The following RHOQ variants were observed in gnomAD, a reference collection of about 807,000 sequenced individuals.
RHOQ encodes the protein rho-related GTP-binding protein RhoQ.
In RHOQ, 7 loss-of-function variants were observed where a neutral mutation model predicts 25.8. The observed-to-expected ratio is 0.27, with a 90% confidence interval of 0.15 to 0.51. RHOQ has a LOEUF of 0.51. Ranked by LOEUF, RHOQ falls within the 20% of genes least tolerant of loss-of-function variation. RHOQ has a pLI of 0.97. For missense variants in RHOQ, 165 were observed against 260.6 expected (o/e 0.63, Z 2.53); for synonymous variants, 97 against 98.6 (o/e 0.98, Z 0.10).
chr2:46,547,601 T>A (rs754487978), intron 2 of RHOQ, among the ~76,000 whole-genome samples: 2 of 152,238 alleles, frequency 1.3e-5, no homozygotes, highest in Admixed American at 1.3e-4. Context: ...ACATTTTGAC[T>A]GCCAAGCATT....
chr2:46,560,857 TG>T lies in RHOQ; in HGVS notation c.202-15227del, dbSNP rs146284478. On this transcript the variant is annotated intron_variant, in intron 2 of 4. Coordinates refer to ENST00000238738, the MANE Select transcript of RHOQ (RefSeq NM_012249.4). ...ACATTGCAGTCACCTTGATTAGATT[TG>T]GGTGTTTTGAAGTGTCTCAGTCATC... Among the ~76,000 whole-genome samples the T allele has an allele frequency of 2.4e-3, 363 of 152,328 alleles. 8 individuals are homozygous for T. The South Asian group carries it at 0.041, about 17-fold the overall frequency.
chr2:46,543,659 G>T, intron 1 of RHOQ, 95 bp from the exon 2 acceptor site: 2 of 1,087,928 alleles, frequency 1.8e-6, no homozygotes, highest in Non-Finnish European at 2.8e-6. Context: ...GCCTCTAGCT[G>T]GGTTGGGAGA....
intron 2 of RHOQ, among the ~76,000 whole-genome samples, chr2:46,570,659 A>G (rs190012767): frequency 4.9e-3 from 754 of 152,330 alleles, no homozygotes; most frequent in African/African-American, 0.017. Context: ...CGCTAGAAAC[A>G]GATGTTGTAG....
At chr2:46,564,738 G>A (rs901888899) in intron 2 of RHOQ, among the ~76,000 whole-genome samples, 7 of 152,214 alleles carry the variant, frequency 4.6e-5, no homozygotes, top group African/African-American at 1.7e-4. Flanking sequence ...AAAAGGATGT[G>A]TGTAAGTATG....
intron 2 of RHOQ, chr2:46,560,500 A>G (rs923931983): frequency 4.5e-6 from 2 of 448,984 alleles, no homozygotes; most frequent in African/African-American, 4.0e-5. Flanking sequence ...TGATGAATTA[A>G]TAAAGAAGTT....
At chr2:46,564,386 C>T (rs537035836) in intron 2 of RHOQ, among the ~76,000 whole-genome samples, 1 of 152,338 alleles carries the variant, frequency 6.6e-6, no homozygotes, top group African/African-American at 2.4e-5. Context: ...CAACCACCAG[C>T]TCTGCCAGTT....
Position 46,576,661 on chromosome 2 carries a change from T to C in RHOQ, c.462+5T>C. 2.0e-6 allele frequency: 3 copies of C among 1,531,096 alleles called. No individual in the cohort carries two copies. Among genetic ancestry groups the C allele is most frequent in the Non-Finnish European group, 2.7e-6 (3 of 1,117,040 alleles). 94.8% of individuals were successfully genotyped at this position (1,531,096 alleles called of 1,614,324 possible). A position where few individuals can be genotyped will look rare whatever the true frequency, so the allele number is the denominator to read the frequency against. On this transcript the variant is annotated splice_donor_5th_base_variant and intron_variant, in intron 4 of 4. Coordinates refer to ENST00000238738, the MANE Select transcript of RHOQ (RefSeq NM_012249.4). The surrounding 1 kb of genome is among the most constrained non-coding windows in gnomAD (Gnocchi z 5.1). ...GGACAGAAACTAGCAAAAGAGGTAA[T>C]GGAACACTCACAGAATTTAAGCATG...
chr2:46,575,206 G>T (rs901239123), intron 2 of RHOQ, among the ~76,000 whole-genome samples: 4 of 152,148 alleles, frequency 2.6e-5, no homozygotes, highest in African/African-American at 9.7e-5. Context: ...CCAAGACAAA[G>T]AAAGTGCAGA....
At position 46,569,191 on chromosome 2, in the gene RHOQ, T is replaced by C. The variant is rs1226822811; in HGVS notation, c.202-6896T>C. 1 of 152,242 alleles carries C rather than the reference T, an allele frequency of 6.6e-6. No individual in the cohort carries two copies. The highest frequency in any genetic ancestry group is 6.5e-5 in the Admixed American group (1 of 15,278). The allele number at this position is 152,242 out of a possible 1,614,324, so 9.4% of individuals were successfully genotyped here. ...AACACTTGACCAGCTCTCTCATTTA[T>C]CTTAACATGTGTATTTATTCTCCCT... is the stretch of plus-strand genomic sequence containing the variant. On this transcript the variant is annotated intron_variant, in intron 2 of 4. Coordinates refer to ENST00000238738, the MANE Select transcript of RHOQ (RefSeq NM_012249.4). The surrounding 1 kb of genome is among the most constrained non-coding windows in gnomAD (Gnocchi z 4.1).
At position 46,581,552 on chromosome 2, in the gene RHOQ, A is replaced by G. The variant is rs1275493421; in HGVS notation, c.*469A>G. 2 of 1,611,680 alleles carry G rather than the reference A, an allele frequency of 1.2e-6. No individual in the cohort carries two copies. Among genetic ancestry groups the G allele is most frequent in the South Asian group, 1.1e-5 (1 of 90,982 alleles). ...GGTGAAATAACAAGGCCAGCCACGT[A>G]GCCAAAGGTCGCTCCAAGCGTACAG... On this transcript the variant is annotated 3_prime_UTR_variant, in exon 5 of 5. Coordinates refer to ENST00000238738, the MANE Select transcript of RHOQ (RefSeq NM_012249.4).
intron 2 of RHOQ, among the ~76,000 whole-genome samples, chr2:46,551,349 T>A (rs1444570891): frequency 6.6e-6 from 1 of 152,132 alleles, no homozygotes; most frequent in Non-Finnish European, 1.5e-5. Flanking sequence ...ACACATCATC[T>A]CATTTTCTCT....
intron 2 of RHOQ, chr2:46,572,678 A>T (rs1369233563): frequency 2.3e-6 from 1 of 431,030 alleles, no homozygotes; most frequent in South Asian, 1.6e-5. Flanking sequence ...AAATGTTTAA[A>T]TACCTACATT....
Position 46,544,627 on chromosome 2 carries a change from G to A in RHOQ, c.201+815G>A, listed in dbSNP as rs535879246. Among the ~76,000 whole-genome samples, 4 of 152,204 alleles carry A rather than the reference G, an allele frequency of 2.6e-5. No individual in the cohort carries two copies. In the East Asian group the frequency reaches 7.7e-4, roughly 29 times the overall value. On this transcript the variant is annotated intron_variant, in intron 2 of 4. Coordinates refer to ENST00000238738, the MANE Select transcript of RHOQ (RefSeq NM_012249.4). The stretch of plus-strand genomic sequence containing the variant: ...TCTCTGTCTCCCTGTCCCAGCTTCA[G>A]CCTCTTCCCAAACCCACTTTTGCTC...
Position 46,543,199 on chromosome 2 carries a change from G to C in RHOQ, c.142+11G>C, listed in dbSNP as rs758682278. On this transcript the variant is annotated intron_variant, in intron 1 of 4. Coordinates refer to ENST00000238738, the MANE Select transcript of RHOQ (RefSeq NM_012249.4). Reference sequence around the variant, plus strand: ...TCGACCACTACGCAGGTAAGCCTCGGAACTGCTGACTAAGGGGCCGCTCCC... The same window carrying C: ...TCGACCACTACGCAGGTAAGCCTCGCAACTGCTGACTAAGGGGCCGCTCCC... 6.2e-7 allele frequency: 1 copy of C among 1,611,456 alleles called. No individual in the cohort carries two copies. Among genetic ancestry groups the C allele is most frequent in the East Asian group, 2.2e-5 (1 of 44,624 alleles).
intron 2 of RHOQ, among the ~76,000 whole-genome samples, chr2:46,546,451 C>T (rs868440025): frequency 1.9e-4 from 9 of 47,156 alleles, no homozygotes; most frequent in African/African-American, 4.3e-4. Flanking sequence ...TACACATATA[C>T]ATATATATAT....
intron 2 of RHOQ, among the ~76,000 whole-genome samples, chr2:46,574,060 C>T (rs1040195297): frequency 1.1e-4 from 17 of 152,204 alleles, no homozygotes; most frequent in Non-Finnish European, 2.1e-4. Context: ...GAATAAGAGA[C>T]TTGGTTTCCC....
At chr2:46,560,380 A>C (rs1668536633) in intron 2 of RHOQ, 2 of 310,760 alleles carry the variant, frequency 6.4e-6, no homozygotes, top group African/African-American at 4.3e-5. Context: ...ATAAATGCAT[A>C]CGTTCAGTTG....
chr2:46,560,104 C>G (rs1406349460), intron 2 of RHOQ, among the ~76,000 whole-genome samples: 1 of 152,192 alleles, frequency 6.6e-6, no homozygotes, highest in African/African-American at 2.4e-5. Context: ...CGCGTTCAGT[C>G]CAGCTGCAGA....
Position 46,581,916 on chromosome 2 carries a change from A to G in RHOQ, c.*833A>G, listed in dbSNP as rs1669396245. The G allele has an allele frequency of 4.8e-6, 1 of 210,234 alleles. No homozygotes were observed. Among genetic ancestry groups the G allele is most frequent in the East Asian group, 1.3e-4 (1 of 7,672 alleles). 13.0% of individuals were successfully genotyped at this position (210,234 alleles called of 1,614,324 possible). Reference sequence around the variant, plus strand: ...TAGACTCAATTTAGCTCTCTGAACTAGTTGGTAATTTTTTTTTTTTAATTC... The same window carrying G: ...TAGACTCAATTTAGCTCTCTGAACTGGTTGGTAATTTTTTTTTTTTAATTC... On this transcript the variant is annotated 3_prime_UTR_variant, in exon 5 of 5. Transcript: ENST00000238738.
Sources: allele counts gnomAD v4.1 joint callset (sites outside exome capture counted in the v4.1 genomes callset), GRCh38; gene constraint gnomAD v4.1.1; non-coding constraint Gnocchi (gnomAD v3.1); transcripts MANE v1.5; gene names NCBI Gene and HGNC (gene_info 2026-07-23, HGNC 2026-07-21).